PDE1C: variants seen among roughly 807,000 people sequenced by gnomAD.
The protein encoded by PDE1C is dual specificity calcium/calmodulin-dependent 3',5'-cyclic nucleotide phosphodiesterase 1C.
A neutral mutation model predicts 93.1 loss-of-function variants in PDE1C; 62 were observed. The ratio of observed to expected loss-of-function variants is 0.67; its 90% confidence interval spans 0.54 to 0.82. PDE1C has a LOEUF of 0.82. Ranked by LOEUF, PDE1C falls within the 40% of genes least tolerant of loss-of-function variation. PDE1C has a pLI of 0.00. For synonymous variants in PDE1C, 325 were observed against 310.1 expected (o/e 1.05, Z -0.50); for missense variants, 742 against 884.6 (o/e 0.84, Z 2.04).
chr7:31,917,565 G>C (rs773712475), intron 2 of PDE1C, among the ~76,000 whole-genome samples: 2 of 151,824 alleles, frequency 1.3e-5, no homozygotes, highest in Non-Finnish European at 2.9e-5. Flanking sequence ...ACTGTCTTAA[G>C]ATTCACTTTG....
At chr7:32,151,728 C>A (rs984635279) in intron 3 of PDE1C, among the ~76,000 whole-genome samples, 1 of 152,040 alleles carries the variant, frequency 6.6e-6, no homozygotes, top group Non-Finnish European at 1.5e-5. Flanking sequence ...GAAAGCAAAT[C>A]AATGGCTGCC....
chr7:31,969,740 C>G (rs1447149777), intron 2 of PDE1C, among the ~76,000 whole-genome samples: 1 of 152,148 alleles, frequency 6.6e-6, no homozygotes, highest in Admixed American at 6.5e-5. Flanking sequence ...TTGGAACCAA[C>G]CCAAATGCCC....
intron 2 of PDE1C, among the ~76,000 whole-genome samples, chr7:31,929,504 A>T (rs982880489): frequency 1.3e-5 from 2 of 152,148 alleles, no homozygotes; most frequent in African/African-American, 4.8e-5. Context: ...AGCACCACAT[A>T]GCAATTATCC....
At chr7:32,336,307 C>T (rs1188108766) in intron 1 of PDE1C, among the ~76,000 whole-genome samples, 2 of 152,202 alleles carry the variant, frequency 1.3e-5, no homozygotes, top group Non-Finnish European at 2.9e-5. Flanking sequence ...ATCCAACAAA[C>T]TATCATGCCC....
At chr7:32,314,940 A>G (rs1043638283) in intron 1 of PDE1C, among the ~76,000 whole-genome samples, 9 of 151,194 alleles carry the variant, frequency 6.0e-5, no homozygotes, top group Middle Eastern at 3.4e-3. Flanking sequence ...GTTCCTTATC[A>G]CCAGCAAACA....
chr7:31,929,876 G>A (rs981730289), intron 2 of PDE1C, among the ~76,000 whole-genome samples: 1 of 152,100 alleles, frequency 6.6e-6, no homozygotes, highest in Non-Finnish European at 1.5e-5. Context: ...AGAAGCAAGA[G>A]CAAACAAATT....
At chr7:32,377,703 G>A (rs1784456044) in intron 1 of PDE1C, among the ~76,000 whole-genome samples, 2 of 152,150 alleles carry the variant, frequency 1.3e-5, no homozygotes, top group African/African-American at 4.8e-5. Context: ...TAGAAATGGA[G>A]AATTGAGACA....
rs543758845 is a variant in PDE1C, at chr7:31,965,979, G to A, written c.129-85119C>T. Among the ~76,000 whole-genome samples the A allele has an allele frequency of 3.0e-3, 456 of 152,148 alleles. 1 individual carries two copies. The highest frequency in any genetic ancestry group is 9.8e-3 in the African/African-American group (408 of 41,500). On this transcript the variant is annotated intron_variant, in intron 2 of 17. Transcript: ENST00000396191. ...GGAAGCACTAAACATGGAAAGGAACGACCAGTACCAGCCACTGCAAAAACA... is the reference window on the plus strand; with the variant it reads ...GGAAGCACTAAACATGGAAAGGAACAACCAGTACCAGCCACTGCAAAAACA...
At chr7:31,905,365 T>TA (rs1270691771) in intron 2 of PDE1C, among the ~76,000 whole-genome samples, 5 of 151,988 alleles carry the variant, frequency 3.3e-5, no homozygotes, top group South Asian at 2.1e-4. Flanking sequence ...AATACTGGAT[T>TA]AAAAAAAATG....
chr7:32,425,178 C>T (rs1163079440), intron 1 of PDE1C, among the ~76,000 whole-genome samples: 3 of 152,052 alleles, frequency 2.0e-5, no homozygotes, highest in Admixed American at 2.0e-4. Flanking sequence ...TTTTAGATTG[C>T]AGCATAACTA....
chr7:32,010,700 G>C (rs887953337), intron 2 of PDE1C, among the ~76,000 whole-genome samples: 2 of 152,190 alleles, frequency 1.3e-5, no homozygotes, highest in African/African-American at 4.8e-5. Flanking sequence ...AGCAAGGTTA[G>C]TTCCTTCTGA....
chr7:31,759,106 T>C (rs1794670504), intron 17 of PDE1C, among the ~76,000 whole-genome samples: 2 of 152,210 alleles, frequency 1.3e-5, no homozygotes, highest in Admixed American at 1.3e-4. Context: ...CTTATATGGC[T>C]GCTGTCACCC....
intron 2 of PDE1C, among the ~76,000 whole-genome samples, chr7:31,987,659 C>T (rs1783591830): frequency 6.6e-6 from 1 of 152,304 alleles, no homozygotes; most frequent in South Asian, 2.1e-4. Context: ...TATTTAGCAT[C>T]ACTATGTGTT....
chr7:31,928,365 T>C (rs1473543730), intron 2 of PDE1C, among the ~76,000 whole-genome samples: 2 of 152,148 alleles, frequency 1.3e-5, no homozygotes, highest in South Asian at 2.1e-4. Context: ...CACTTTAGGA[T>C]GTTATCCAGG....
chr7:31,852,528 G>C (rs1793476030), intron 7 of PDE1C, among the ~76,000 whole-genome samples: 1 of 151,914 alleles, frequency 6.6e-6, no homozygotes, highest in Non-Finnish European at 1.5e-5. Flanking sequence ...GTCTCGGGGG[G>C]CCCCCCATGT....
chr7:31,881,968 C>T (rs1411582255), intron 2 of PDE1C, among the ~76,000 whole-genome samples: 1 of 152,130 alleles, frequency 6.6e-6, no homozygotes, highest in African/African-American at 2.4e-5. Context: ...CGTTGGTATA[C>T]GCAATCTGTT....
intron 9 of PDE1C, among the ~76,000 whole-genome samples, chr7:31,840,452 AG>A (rs1375054409): frequency 6.6e-6 from 1 of 152,042 alleles, no homozygotes. Flanking sequence ...AAAGAGCAAA[AG>A]GTTTAATTTT....
intron 9 of PDE1C, among the ~76,000 whole-genome samples, chr7:31,844,885 A>G (rs62455980): frequency 0.22 from 33,520 of 151,936 alleles, 5,116 homozygotes; most frequent in African/African-American, 0.43. Flanking sequence ...TGAAACCTGA[A>G]AAATGAATTT....
chr7:32,001,834 T>C (rs1376427166), intron 2 of PDE1C, among the ~76,000 whole-genome samples: 1 of 152,038 alleles, frequency 6.6e-6, no homozygotes, highest in East Asian at 1.9e-4. Context: ...CCAAGGCAGG[T>C]GGATTGCTTG....
Sources: gnomAD v4.1 joint callset for allele counts (sites outside exome capture counted in the v4.1 genomes callset) on GRCh38, gnomAD v4.1.1 for gene constraint, MANE v1.5 for transcripts, NCBI Gene and HGNC (gene_info 2026-07-23, HGNC 2026-07-21) for gene names.